Variants in USP33 observed in about 807,000 individuals in gnomAD.
USP33 encodes the protein ubiquitin carboxyl-terminal hydrolase 33.
A neutral mutation model predicts 124.2 loss-of-function variants in USP33; 46 were observed. That is an observed-to-expected ratio of 0.37 (90% CI 0.29 to 0.47). The LOEUF (loss-of-function observed/expected upper bound fraction) is 0.47. Ranked by LOEUF, USP33 falls within the 20% of genes least tolerant of loss-of-function variation. The pLI, the probability that USP33 is intolerant of heterozygous loss-of-function variation, is 0.99. For missense variants in USP33, 851 were observed against 1,070.6 expected (o/e 0.79, Z 2.86); for synonymous variants, 350 against 352.3 (o/e 0.99, Z 0.07).
intron 10 of USP33, 102 bp from the exon 11 acceptor site, chr1:77,725,864 T>C: frequency 1.8e-6 from 2 of 1,110,266 alleles, no homozygotes; most frequent in South Asian, 1.8e-5. Flanking sequence ...AACACAATCA[T>C]ATTAACAAAT....
At chr1:77,751,909 C>T (rs1456945903) in intron 1 of USP33, among the ~76,000 whole-genome samples, 1 of 151,902 alleles carries the variant, frequency 6.6e-6, no homozygotes, top group Non-Finnish European at 1.5e-5. Flanking sequence ...AGGATGGTCT[C>T]GATCTCTTGA....
chr1:77,740,794 G>C, intron 4 of USP33, 83 bp downstream of exon 4: 3 of 951,596 alleles, frequency 3.2e-6, no homozygotes, highest in Non-Finnish European at 4.8e-6. Flanking sequence ...ATTACAACTT[G>C]AATTAATAAT....
chr1:77,709,952 T>C (rs966868453), intron 21 of USP33, among the ~76,000 whole-genome samples: 2 of 151,768 alleles, frequency 1.3e-5, no homozygotes, highest in African/African-American at 4.8e-5. Flanking sequence ...TTCACAAAGA[T>C]ACCCATAACT....
chr1:77,722,643 TTAAA>T (rs1191350976), intron 12 of USP33, among the ~76,000 whole-genome samples: 3 of 152,240 alleles, frequency 2.0e-5, no homozygotes, highest in African/African-American at 4.8e-5. Flanking sequence ...ATAATTCCAC[TTAAA>T]TATTTAGTAC....
chr1:77,728,924 G>C (rs1218143308), intron 9 of USP33, among the ~76,000 whole-genome samples: 1 of 151,844 alleles, frequency 6.6e-6, no homozygotes, highest in Non-Finnish European at 1.5e-5. Flanking sequence ...TTTTGAGATG[G>C]GGTCTCATTC....
intron 18 of USP33, among the ~76,000 whole-genome samples, chr1:77,715,154 T>A (rs926734258): frequency 4.6e-5 from 7 of 152,202 alleles, no homozygotes; most frequent in South Asian, 4.1e-4. Context: ...TGGGAGAAAA[T>A]TTGGTACTTA....
intron 17 of USP33, among the ~76,000 whole-genome samples, chr1:77,716,354 C>A (rs529976918): frequency 3.3e-5 from 5 of 152,330 alleles, no homozygotes; most frequent in African/African-American, 9.6e-5. Context: ...GTCATTAACA[C>A]CTGCGGGGGT....
In USP33 at chr1:77,722,128, C is replaced by T. The variant is rs1467032942; in HGVS notation, c.1458G>A (p.Lys486=). 2.5e-6 allele frequency: 4 copies of T among 1,613,938 alleles called. No individual in the cohort carries two copies. Among genetic ancestry groups the T allele is most frequent in the East Asian group, 4.5e-5 (2 of 44,874 alleles). Residue 486 remains lysine (K), a synonymous_variant, in exon 13 of 24, where the codon AAG becomes AAA. Transcript: ENST00000370794. The stretch of plus-strand genomic sequence containing the variant: ...AAGTTGGATGACTTGATGAATGCAG[C>T]TTAGCAAGGTCTTCCTTGCCAGGAA... ...LPIPGKEDLA[K]LHSSSHPTSI...
intron 15 of USP33, chr1:77,720,362 T>TC (rs1394396540): frequency 8.1e-6 from 8 of 985,254 alleles, no homozygotes. Flanking sequence ...CAAGGAACAA[T>TC]CCCCTTCCAA....
chr1:77,740,887 A>T lies in USP33; in HGVS notation c.188T>A (p.Ile63Lys). The change falls in exon 4 of 24, where the codon ATA becomes AAA. Residue 63 changes from isoleucine (I) to lysine (K), a missense_variant. Transcript: ENST00000370794. ...CGESQVDHST[I>K]HSQETKHYLT... ...TTTTTATATACATACCTGAGAATGT[A>T]TGGTGCTGTGATCTACTTGTGATTC... 2 of 1,567,876 alleles carry T rather than the reference A, an allele frequency of 1.3e-6. No homozygotes were observed. Among genetic ancestry groups the T allele is most frequent in the Non-Finnish European group, 1.7e-6 (2 of 1,153,608 alleles).
intron 1 of USP33, among the ~76,000 whole-genome samples, chr1:77,756,877 C>T (rs1334896047): frequency 3.3e-5 from 5 of 152,168 alleles, no homozygotes; most frequent in Non-Finnish European, 5.9e-5. Flanking sequence ...TAAAGCCACC[C>T]CAGCAGTCTT....
intron 3 of USP33, among the ~76,000 whole-genome samples, 198 bp from the exon 4 acceptor site, chr1:77,741,137 G>T (rs1679072635): frequency 6.6e-6 from 1 of 152,040 alleles, no homozygotes; most frequent in Non-Finnish European, 1.5e-5. Context: ...TAAGCTAAAA[G>T]CTATGTCATT....
intron 1 of USP33, among the ~76,000 whole-genome samples, chr1:77,744,235 C>T (rs911690647): frequency 1.3e-5 from 2 of 151,838 alleles, no homozygotes; most frequent in African/African-American, 4.8e-5. Flanking sequence ...AATTCAGTAC[C>T]CATCAAGGTA....
chr1:77,727,988 C>T (rs1236881981), intron 10 of USP33, among the ~76,000 whole-genome samples: 2 of 152,110 alleles, frequency 1.3e-5, no homozygotes, highest in Non-Finnish European at 2.9e-5. Flanking sequence ...TTTCCAGGAT[C>T]GCAACATAAT....
chr1:77,723,563 A>T, intron 11 of USP33, 120 bp from the exon 12 acceptor site: 1 of 650,994 alleles, frequency 1.5e-6, no homozygotes, highest in East Asian at 2.9e-5. Context: ...AAACTGTAAA[A>T]ATTACTGTGT....
intron 7 of USP33, among the ~76,000 whole-genome samples, chr1:77,732,285 T>G (rs1027659890): frequency 6.6e-6 from 1 of 152,116 alleles, no homozygotes; most frequent in African/African-American, 2.4e-5. Flanking sequence ...TCTCCCTTTC[T>G]CTAGTTACTC....
intron 17 of USP33, 105 bp downstream of exon 17, chr1:77,717,762 C>T (rs1479392431): frequency 9.5e-7 from 1 of 1,056,166 alleles, no homozygotes; most frequent in Non-Finnish European, 1.3e-6. Context: ...GATTCTCCCA[C>T]CTCATTCTCC....
At chr1:77,758,430 T>C (rs1681010014) in intron 1 of USP33, among the ~76,000 whole-genome samples, 1 of 152,140 alleles carries the variant, frequency 6.6e-6, no homozygotes, top group African/African-American at 2.4e-5. Context: ...ATCGTCGGCC[T>C]CCCAGAGTGC....
intron 13 of USP33, 38 bp from the exon 14 acceptor site, chr1:77,721,963 G>A: frequency 6.2e-7 from 1 of 1,604,990 alleles, no homozygotes; most frequent in Middle Eastern, 1.7e-4. Context: ...GAAGTGTTCT[G>A]CCAGTACAGC....
Sources: allele counts gnomAD v4.1 joint callset (sites outside exome capture counted in the v4.1 genomes callset), GRCh38; gene constraint gnomAD v4.1.1; transcripts MANE v1.5; gene names NCBI Gene and HGNC (gene_info 2026-07-23, HGNC 2026-07-21).